Variants in ENTPD1 observed in about 807,000 individuals in gnomAD.
ENTPD1 encodes the protein ectonucleoside triphosphate diphosphohydrolase 1, also known as ATP diphosphohydrolase.
ENTPD1 carries 33 observed loss-of-function variants against 57.0 expected under a neutral mutation model. The observed-to-expected ratio is 0.58, with a 90% CI of 0.44 to 0.77. ENTPD1 has a LOEUF of 0.77. Ranked by LOEUF, ENTPD1 falls within the 30% of genes least tolerant of loss-of-function variation. ENTPD1 has a pLI of 0.00. For missense variants in ENTPD1, 501 were observed against 603.4 expected (o/e 0.83, Z 1.78); for synonymous variants, 202 against 218.8 (o/e 0.92, Z 0.68).
Position 95,875,903 on chromosome 10 carries a change from G to A in ENTPD1, c.*9520G>A. The A allele has an allele frequency of 2.2e-6, 2 of 915,754 alleles. No individual in the cohort carries two copies. The highest frequency in any genetic ancestry group is 1.0e-4 in the South Asian group (2 of 19,810). 56.7% of individuals were successfully genotyped at this position (915,754 alleles called of 1,614,324 possible). ...ATTCAATTACCTCCCCCTGGGTCCTGTGGGAATTCTGGAAGGTACAATTCA... is the reference window on the plus strand; with the variant it reads ...ATTCAATTACCTCCCCCTGGGTCCTATGGGAATTCTGGAAGGTACAATTCA... On this transcript the variant is annotated 3_prime_UTR_variant, in exon 10 of 10. Coordinates refer to ENST00000371205, the MANE Select transcript of ENTPD1 (RefSeq NM_001776.6).
rs1265345630 is a variant in ENTPD1, at chr10:95,871,866, C to T, written c.*5483C>T. 2.0e-6 allele frequency: 2 copies of T among 985,214 alleles called. No individual in the cohort carries two copies. The highest frequency in any genetic ancestry group is 3.5e-5 in the African/African-American group (2 of 57,224). 61.0% of individuals were successfully genotyped at this position (985,214 alleles called of 1,614,324 possible). A position where few individuals can be genotyped will look rare whatever the true frequency, so the allele number is the denominator to read the frequency against. ...GATACTCTCATCTAAGAAATAACAT[C>T]ACCTCTTCTAATGAAGTTCTAAGAA... On this transcript the variant is annotated 3_prime_UTR_variant, in exon 10 of 10. Transcript: ENST00000371205.
chr10:95,756,081 T>C, upstream of ENTPD1: 1 of 1,513,310 alleles, frequency 6.6e-7, no homozygotes, highest in Non-Finnish European at 8.8e-7. Context: ...TTGAGGTTCC[T>C]TCCGAAACGG....
intron 1 of ENTPD1, among the ~76,000 whole-genome samples, chr10:95,803,217 T>G (rs866974316): frequency 6.6e-6 from 1 of 152,220 alleles, no homozygotes; most frequent in East Asian, 1.9e-4. Context: ...TTTGTTTGTG[T>G]CATCTTTGGC....
intron 8 of ENTPD1, among the ~76,000 whole-genome samples, chr10:95,863,981 C>T (rs983472895): frequency 1.3e-5 from 2 of 152,062 alleles, no homozygotes; most frequent in African/African-American, 2.4e-5. Flanking sequence ...GGTGTATATT[C>T]ACAACAGCTA....
chr10:95,870,233 T>A lies in ENTPD1; in HGVS notation c.*3850T>A. The A allele has an allele frequency of 1.0e-6, 1 of 985,412 alleles. No individual in the cohort carries two copies. The highest frequency in any genetic ancestry group is 1.2e-6 in the Non-Finnish European group (1 of 829,902). The allele number at this position is 985,412 out of a possible 1,614,324, so 61.0% of individuals were successfully genotyped here. ...GAAAGTTTCATCTGGATTTAAAGAT[T>A]AATTCTTGATGCTTACATTCCATAC... On this transcript the variant is annotated 3_prime_UTR_variant, in exon 10 of 10. Transcript: ENST00000371205.
At chr10:95,773,089 G>GT (rs2098121000) in intron 1 of ENTPD1, among the ~76,000 whole-genome samples, 1 of 151,792 alleles carries the variant, frequency 6.6e-6, no homozygotes, top group African/African-American at 2.4e-5. Flanking sequence ...AGAGAGGCCG[G>GT]TGCTAGCCTC....
chr10:95,838,170 A>G (rs917726877), intron 2 of ENTPD1, among the ~76,000 whole-genome samples: 3 of 152,216 alleles, frequency 2.0e-5, no homozygotes, highest in Non-Finnish European at 4.4e-5. Flanking sequence ...CACATGTGCC[A>G]TCATGCTCTT....
chr10:95,830,406 G>A (rs1425336102), intron 2 of ENTPD1, among the ~76,000 whole-genome samples: 1 of 152,130 alleles, frequency 6.6e-6, no homozygotes, highest in Admixed American at 6.5e-5. Context: ...TTCAAGCTTG[G>A]ATCCATGTTA....
At chr10:95,821,910 C>CA (rs1034563126) in intron 1 of ENTPD1, among the ~76,000 whole-genome samples, 1 of 150,178 alleles carries the variant, frequency 6.7e-6, no homozygotes, top group Non-Finnish European at 1.5e-5. Context: ...GTTGAGTTGT[C>CA]AAAATGGAGG....
At chr10:95,757,622 G>T (rs1463723007) in intron 1 of ENTPD1, among the ~76,000 whole-genome samples, 1 of 152,120 alleles carries the variant, frequency 6.6e-6, no homozygotes, top group African/African-American at 2.4e-5. Context: ...TGAGAAGCAG[G>T]TATTGTTATT....
rs1390559545 is a variant in ENTPD1 at position 95,868,586 on chromosome 10, G to A, written c.*2203G>A. 2.0e-6 allele frequency: 2 copies of A among 985,276 alleles called. No individual in the cohort carries two copies. Among genetic ancestry groups the A allele is most frequent in the Non-Finnish European group, 2.4e-6 (2 of 829,932 alleles). The allele number at this position is 985,276 out of a possible 1,614,324, so 61.0% of individuals were successfully genotyped here. A position where few individuals can be genotyped will look rare whatever the true frequency, so the allele number is the denominator to read the frequency against. On this transcript the variant is annotated 3_prime_UTR_variant, in exon 10 of 10. Transcript: ENST00000371205. The stretch of plus-strand genomic sequence containing the variant: ...CTTCTGTCTGCGTATACAAAGCACT[G>A]TCATGCACACAATCTATTCTGACCC...
At chr10:95,722,797 C>T (rs951908110) in intron 1 of ENTPD1, among the ~76,000 whole-genome samples, 3 of 152,136 alleles carry the variant, frequency 2.0e-5, no homozygotes, top group Admixed American at 6.5e-5. Flanking sequence ...AGATTTAAAT[C>T]CCCTGTTAGG....
intron 1 of ENTPD1, among the ~76,000 whole-genome samples, chr10:95,761,784 A>G (rs903547723): frequency 2.6e-5 from 4 of 152,132 alleles, no homozygotes; most frequent in Admixed American, 6.6e-5. Context: ...TCTGCCTTCA[A>G]CTTGAGAAGT....
At chr10:95,865,774 CT>C (rs567003373) in intron 9 of ENTPD1, among the ~76,000 whole-genome samples, 2 of 151,276 alleles carry the variant, frequency 1.3e-5, no homozygotes, top group African/African-American at 2.4e-5. Flanking sequence ...TGTGTATATA[CT>C]TTTTTTTTAA....
chr10:95,850,434 G>A (rs2098442976), intron 7 of ENTPD1, among the ~76,000 whole-genome samples: 1 of 152,148 alleles, frequency 6.6e-6, no homozygotes, highest in Non-Finnish European at 1.5e-5. Flanking sequence ...AATGGGGACA[G>A]TAATATCTAC....
intron 1 of ENTPD1, among the ~76,000 whole-genome samples, chr10:95,727,554 T>C (rs1214546224): frequency 1.3e-5 from 2 of 152,226 alleles, no homozygotes; most frequent in Non-Finnish European, 2.9e-5. Flanking sequence ...GTGGGAAGAA[T>C]GCAATCTCTC....
intron 2 of ENTPD1, among the ~76,000 whole-genome samples, chr10:95,830,454 C>T (rs1476853946): frequency 6.6e-6 from 1 of 152,000 alleles, no homozygotes; most frequent in Non-Finnish European, 1.5e-5. Flanking sequence ...ATGGCTGGGC[C>T]CCATCTCAGG....
chr10:95,825,898 A>G (rs2098374088), intron 2 of ENTPD1, among the ~76,000 whole-genome samples: 2 of 152,180 alleles, frequency 1.3e-5, no homozygotes. Context: ...TTTTGAGAGC[A>G]CACAATGACA....
chr10:95,747,199 C>T (rs2098006940), intron 1 of ENTPD1, among the ~76,000 whole-genome samples: 1 of 152,136 alleles, frequency 6.6e-6, no homozygotes, highest in Non-Finnish European at 1.5e-5. Context: ...CTCCTTTTAA[C>T]CTTGAAATTG....
Sources: allele counts gnomAD v4.1 joint callset (sites outside exome capture counted in the v4.1 genomes callset), GRCh38; gene constraint gnomAD v4.1.1; transcripts MANE v1.5; gene names NCBI Gene and HGNC (gene_info 2026-07-23, HGNC 2026-07-21).